TNNI3K: variants seen among roughly 807,000 people sequenced by gnomAD.
TNNI3K encodes the protein serine/threonine-protein kinase TNNI3K.
TNNI3K carries 140 observed loss-of-function variants against 114.5 expected under a neutral mutation model. The ratio of observed to expected loss-of-function variants is 1.22; its 90% CI spans 1.07 to 1.41. The LOEUF (loss-of-function observed/expected upper bound fraction) is 1.41, where lower values mean the gene tolerates loss of function less well. Ranked by LOEUF, TNNI3K falls within the 40% of genes most tolerant of loss-of-function variation. TNNI3K has a pLI of 0.00. For synonymous variants in TNNI3K, 347 were observed against 347.5 expected (o/e 1.00, Z 0.02); for missense variants, 1,125 against 1,007.6 (o/e 1.12, Z -1.58).
rs1273072141 is a variant in TNNI3K, at chr1:74,348,562, C to T, written c.933-4704C>T. Among the ~76,000 whole-genome samples the T allele has an allele frequency of 2.0e-5, 3 of 152,044 alleles. No individual in the cohort carries two copies. In the East Asian group the frequency reaches 5.8e-4, roughly 29 times the overall value. On this transcript the variant is annotated intron_variant, in intron 9 of 24. Coordinates refer to ENST00000326637, the MANE Select transcript of TNNI3K (RefSeq NM_015978.3). ...AGTCATTGGTAGCTTGATGGAGATA[C>T]TATTGAATCTATAAATTACCTTGGG...
chr1:74,285,523 C>A (rs1004169824), intron 5 of TNNI3K, among the ~76,000 whole-genome samples: 4 of 8,238 alleles, frequency 4.9e-4, no homozygotes, highest in Non-Finnish European at 9.8e-4. Context: ...TCTGAACAAC[C>A]ACAATGTTTT....
rs1646707977 is a variant in TNNI3K, at chr1:74,540,087, C to T, written c.2352-147C>T. 3 of 747,310 alleles carry T rather than the reference C, an allele frequency of 4.0e-6. No homozygotes were observed. The East Asian group carries it at 8.7e-5, about 22-fold the overall frequency. 46.3% of individuals were successfully genotyped at this position (747,310 alleles called of 1,614,324 possible). On this transcript the variant is annotated intron_variant, in intron 23 of 24. Transcript: ENST00000326637. ...TTAAACCAAATAATTCTGAACTCTTCCCCAACTAGTTACTGTTAAGATAAA... is the reference window on the plus strand; with the variant it reads ...TTAAACCAAATAATTCTGAACTCTTTCCCAACTAGTTACTGTTAAGATAAA...
At chr1:74,417,391 C>T (rs1008091573) in intron 17 of TNNI3K, among the ~76,000 whole-genome samples, 1 of 152,056 alleles carries the variant, frequency 6.6e-6, no homozygotes, top group Non-Finnish European at 1.5e-5. Context: ...AAGTGGGACC[C>T]CATTAACAGA....
At chr1:74,337,885 G>C (rs1244037314) in intron 7 of TNNI3K, among the ~76,000 whole-genome samples, 1 of 152,000 alleles carries the variant, frequency 6.6e-6, no homozygotes, top group Non-Finnish European at 1.5e-5. Context: ...ATCGTAGTTT[G>C]TTCTTTTATA....
At chr1:74,540,958 G>T (rs1646720043) in intron 24 of TNNI3K, among the ~76,000 whole-genome samples, 1 of 152,092 alleles carries the variant, frequency 6.6e-6, no homozygotes, top group South Asian at 2.1e-4. Flanking sequence ...ATGGACAATT[G>T]CCTTTATCAT....
intron 17 of TNNI3K, among the ~76,000 whole-genome samples, chr1:74,433,430 A>G (rs930444737): frequency 3.9e-5 from 6 of 152,076 alleles, no homozygotes; most frequent in African/African-American, 1.4e-4. Context: ...AAATGGAAAA[A>G]ATGTGTGAAA....
intron 23 of TNNI3K, among the ~76,000 whole-genome samples, chr1:74,492,569 G>A (rs1669135913): frequency 6.6e-6 from 1 of 152,288 alleles, no homozygotes; most frequent in African/African-American, 2.4e-5. Context: ...ATCCAAGCAA[G>A]AATTCCTGTG....
chr1:74,253,539 G>A lies in TNNI3K; in HGVS notation c.333+2770G>A, dbSNP rs1161985310. The stretch of plus-strand genomic sequence containing the variant: ...AAATGGAGCACAGCGCCAGTGGGCC[G>A]GCACTGCTGGGGGACCCGGAGCACC... On this transcript the variant is annotated intron_variant, in intron 4 of 24. Transcript: ENST00000326637. 9.2e-5 allele frequency among the ~76,000 whole-genome samples: 14 copies of A among 152,222 alleles called. No homozygotes were observed. The South Asian group carries it at 2.1e-3, about 23-fold the overall frequency.
intron 17 of TNNI3K, among the ~76,000 whole-genome samples, 184 bp from the exon 18 acceptor site, chr1:74,435,896 T>C (rs792882): frequency 0.018 from 2,715 of 152,120 alleles, 55 homozygotes; most frequent in East Asian, 0.06. Flanking sequence ...TAAACATGAT[T>C]ACATTTTATA....
chr1:74,339,047 T>G lies in TNNI3K; in HGVS notation c.682+2898T>G, dbSNP rs184960515. 9.2e-5 allele frequency among the ~76,000 whole-genome samples: 14 copies of G among 152,272 alleles called. No individual in the cohort carries two copies. The East Asian group carries it at 1.5e-3, about 17-fold the overall frequency. ...ACTACATCACTTTTTCCTTTCATTATTGATGCCAACCTTAGCTTTTTATTC... is the reference window on the plus strand; with the variant it reads ...ACTACATCACTTTTTCCTTTCATTAGTGATGCCAACCTTAGCTTTTTATTC... On this transcript the variant is annotated intron_variant, in intron 7 of 24. Transcript: ENST00000326637.
intron 5 of TNNI3K, among the ~76,000 whole-genome samples, chr1:74,308,597 G>A (rs568304889): frequency 6.6e-6 from 1 of 152,146 alleles, no homozygotes; most frequent in East Asian, 1.9e-4. Flanking sequence ...ACAACTGGAG[G>A]AGCTAGAAAA....
intron 17 of TNNI3K, among the ~76,000 whole-genome samples, chr1:74,393,753 A>G (rs1481110062): frequency 2.0e-5 from 3 of 152,148 alleles, no homozygotes; most frequent in Non-Finnish European, 4.4e-5. Context: ...AGGGGAGGCA[A>G]GGCCAGGAGG....
At chr1:74,451,360 T>A (rs1462431109) in intron 20 of TNNI3K, among the ~76,000 whole-genome samples, 1 of 152,202 alleles carries the variant, frequency 6.6e-6, no homozygotes, top group African/African-American at 2.4e-5. Flanking sequence ...TTTACTTATG[T>A]AACAAACCTG....
At chr1:74,320,355 T>G (rs1156291238) in intron 5 of TNNI3K, among the ~76,000 whole-genome samples, 1 of 152,244 alleles carries the variant, frequency 6.6e-6, no homozygotes, top group Non-Finnish European at 1.5e-5. Context: ...TTAAACATTT[T>G]TACAACTGTG....
rs201589114 is a variant in TNNI3K at position 74,331,430 on chromosome 1, A to G, written c.445-20A>G. On this transcript the variant is annotated intron_variant, in intron 5 of 24. Coordinates refer to ENST00000326637, the MANE Select transcript of TNNI3K (RefSeq NM_015978.3). ...GATAACTCAACTGAAGTTCTTAACC[A>G]TAATCATTTTCTTGTCCAGGCTGCT... The G allele has an allele frequency of 6.2e-4, 995 of 1,609,754 alleles. 8 individuals carry two copies. Among genetic ancestry groups the G allele is most frequent in the Non-Finnish European group, 5.4e-5 (64 of 1,178,248 alleles).
At chr1:74,295,722 T>A (rs936610062) in intron 5 of TNNI3K, among the ~76,000 whole-genome samples, 1 of 152,202 alleles carries the variant, frequency 6.6e-6, no homozygotes, top group Non-Finnish European at 1.5e-5. Flanking sequence ...TCCTTTTATG[T>A]TCAAACTTTT....
intron 2 of TNNI3K, among the ~76,000 whole-genome samples, chr1:74,241,022 GT>G: frequency 6.6e-6 from 1 of 151,988 alleles, no homozygotes; most frequent in Non-Finnish European, 1.5e-5. Flanking sequence ...GACATGCGGT[GT>G]TTGGTTTTTT....
At chr1:74,388,961 AGGCAGCTAACACAAATAT>A (rs1663625425) in intron 17 of TNNI3K, among the ~76,000 whole-genome samples, 1 of 152,238 alleles carries the variant, frequency 6.6e-6, no homozygotes. Context: ...TGCCTGCAAC[AGGCAGCTAACACAAATAT>A]GTAACCATCC....
At position 74,492,259 on chromosome 1, in the gene TNNI3K, T is replaced by C. The variant is rs1669118953; in HGVS notation, c.2344T>C (p.Ser782Pro). ...ALNARSYAALSQSAGQYSSQG... is the reference protein window; with the variant it reads ...ALNARSYAALPQSAGQYSSQG... ...AAATGCAAGGTCCTATGCTGCTTTG[T>C]CCCAAAGGTGAGTGGTAATATAAGC... Residue 782 changes from serine to proline, a missense_variant, in exon 23 of 25, where the codon TCC becomes CCC. Physicochemically the swap from Ser to Pro is moderately conservative, Grantham distance 74 (BLOSUM62 -1). Coordinates refer to ENST00000326637, the MANE Select transcript of TNNI3K (RefSeq NM_015978.3). 1.9e-6 allele frequency: 3 copies of C among 1,555,022 alleles called. No individual in the cohort carries two copies. The East Asian group carries it at 6.8e-5, about 35-fold the overall frequency.
Sources: allele counts gnomAD v4.1 joint callset (sites outside exome capture counted in the v4.1 genomes callset), GRCh38; gene constraint gnomAD v4.1.1; transcripts MANE v1.5; gene names NCBI Gene and HGNC (gene_info 2026-07-23, HGNC 2026-07-21).